The following H2BK1 variants were observed in gnomAD, a reference collection of about 807,000 sequenced individuals.
H2BK1 encodes histone H2B type 2-K1.
the H2BK1 span, among the ~76,000 whole-genome samples, chr7:151,208,319 T>A: frequency 6.6e-6 from 1 of 152,214 alleles, no homozygotes; most frequent in African/African-American, 2.4e-5. Flanking sequence ...CTAAGTTTTT[T>A]AAAAGAAGTT....
At chr7:151,209,853 TG>T in the H2BK1 span, among the ~76,000 whole-genome samples, 1 of 152,232 alleles carries the variant, frequency 6.6e-6, no homozygotes, top group Non-Finnish European at 1.5e-5. Context: ...TGTATCATAA[TG>T]TGTTTGGCAC....
the H2BK1 span, among the ~76,000 whole-genome samples, chr7:151,209,785 C>T: frequency 6.6e-6 from 1 of 152,136 alleles, no homozygotes; most frequent in Non-Finnish European, 1.5e-5. Context: ...GTCCAGAAGA[C>T]CTTCCCCAAG....
chr7:151,208,761 G>A, the H2BK1 span, among the ~76,000 whole-genome samples: 41 of 152,260 alleles, frequency 2.7e-4, no homozygotes, highest in Non-Finnish European at 5.3e-4. Context: ...CCTCAAATAC[G>A]GCCCTTTCCT....
At chr7:151,208,111 G>A in the H2BK1 span, 5 of 1,614,026 alleles carry the variant, frequency 3.1e-6, no homozygotes, top group Non-Finnish European at 3.4e-6. Context: ...GGTGCACCTG[G>A]AGAGAGGGCA....
At chr7:151,208,343 G>A in the H2BK1 span, among the ~76,000 whole-genome samples, 1 of 152,188 alleles carries the variant, frequency 6.6e-6, no homozygotes, top group South Asian at 2.1e-4. Context: ...AACTGCAGGA[G>A]GTAACATGAT....
At chr7:151,209,739 C>T in the H2BK1 span, among the ~76,000 whole-genome samples, 50 of 152,172 alleles carry the variant, frequency 3.3e-4, no homozygotes, top group Admixed American at 1.1e-3. Context: ...ATAAGGTGGA[C>T]AAACCCTAAG....
the H2BK1 span, chr7:151,208,036 C>T: frequency 1.2e-6 from 2 of 1,613,864 alleles, no homozygotes; most frequent in Non-Finnish European, 8.5e-7. Context: ...ACGCCAGCTG[C>T]TCAAACACGT....
At chr7:151,208,014 G>A in the H2BK1 span, 42 of 1,600,862 alleles carry the variant, frequency 2.6e-5, no homozygotes, top group Middle Eastern at 1.6e-4. Flanking sequence ...TGGGCCAGCC[G>A]GGCAGCCTCA....
chr7:151,209,176 C>T, the H2BK1 span, among the ~76,000 whole-genome samples: 1 of 152,020 alleles, frequency 6.6e-6, no homozygotes, highest in African/African-American at 2.4e-5. Flanking sequence ...GCAATTTTTG[C>T]CCCTCAAAGT....
At chr7:151,209,573 T>C in the H2BK1 span, among the ~76,000 whole-genome samples, 1 of 152,132 alleles carries the variant, frequency 6.6e-6, no homozygotes, top group Admixed American at 6.5e-5. Context: ...CGTGCATGAA[T>C]ATAGGGCACC....
At chr7:151,208,042 C>G in the H2BK1 span, 1 of 1,613,994 alleles carries the variant, frequency 6.2e-7, no homozygotes, top group Non-Finnish European at 8.5e-7. Context: ...GCTGCTCAAA[C>G]ACGTCGTTTA....
At chr7:151,208,431 A>G in the H2BK1 span, among the ~76,000 whole-genome samples, 1 of 152,252 alleles carries the variant, frequency 6.6e-6, no homozygotes, top group Admixed American at 6.5e-5. Context: ...TGCTGGTTTC[A>G]CTGATGCATT....
the H2BK1 span, among the ~76,000 whole-genome samples, chr7:151,209,464 C>T: frequency 2.6e-5 from 4 of 152,230 alleles, no homozygotes; most frequent in African/African-American, 9.6e-5. Context: ...CACATGGCTA[C>T]CCCCGCCTCC....
At chr7:151,208,702 G>A in the H2BK1 span, among the ~76,000 whole-genome samples, 6 of 152,288 alleles carry the variant, frequency 3.9e-5, no homozygotes, top group Non-Finnish European at 5.9e-5. Flanking sequence ...TCGCAGCCCC[G>A]GACCAGGGGA....
At chr7:151,207,929 G>T in the H2BK1 span, 1 of 1,238,530 alleles carries the variant, frequency 8.1e-7, no homozygotes, top group Non-Finnish European at 1.2e-6. Flanking sequence ...AGCGTGCTTG[G>T]CCAGCTCCCC....
chr7:151,210,425 G>GC, the H2BK1 span: 1 of 360,812 alleles, frequency 2.8e-6, no homozygotes, highest in African/African-American at 2.1e-5. Flanking sequence ...AGGGGGGGGG[G>GC]GGGCAGGTGG....
the H2BK1 span, among the ~76,000 whole-genome samples, chr7:151,208,682 T>C: frequency 1.3e-5 from 2 of 152,188 alleles, no homozygotes; most frequent in Non-Finnish European, 2.9e-5. Flanking sequence ...AGCCTGTCCA[T>C]GTGACACAGT....
At chr7:151,208,155 G>A in the H2BK1 span, 1 of 1,585,722 alleles carries the variant, frequency 6.3e-7, no homozygotes. Flanking sequence ...GCCAGGGGAG[G>A]GGGGGTCCTG....
chr7:151,208,228 A>AG, the H2BK1 span: 1 of 927,624 alleles, frequency 1.1e-6, no homozygotes, highest in Non-Finnish European at 1.7e-6. Context: ...GAAGGCAAGG[A>AG]GGCTCCTCAC....
Sources: gnomAD v4.1 joint callset for allele counts (sites outside exome capture counted in the v4.1 genomes callset) on GRCh38, gnomAD v4.1.1 for gene constraint, MANE v1.5 for transcripts, NCBI Gene and HGNC (gene_info 2026-07-23, HGNC 2026-07-21) for gene names.